The following IQCB1 variants were observed in gnomAD, a reference collection of about 807,000 sequenced individuals.
IQCB1 encodes IQ motif containing B1.
IQCB1 carries 56 observed loss-of-function variants against 84.4 expected under a neutral mutation model. The observed-to-expected ratio is 0.66, with a 90% CI of 0.54 to 0.83. IQCB1 has a LOEUF of 0.83. Among genes scored for constraint, IQCB1 ranks in the 40% least tolerant of loss-of-function variants. The pLI is 0.00. For missense variants in IQCB1, 629 were observed against 682.1 expected, an observed-to-expected ratio of 0.92 and a Z score of 0.87; for synonymous variants, 210 against 234.8, an observed-to-expected ratio of 0.89 and a Z score of 0.96.
In IQCB1 at chr3:121,779,311, T is replaced by G. The variant is rs115304011; in HGVS notation, c.1410+2432A>C. On this transcript the variant is annotated intron_variant, in intron 13 of 14. Transcript: ENST00000310864. ...ACAGTCCCACAGCTCAGTAATGGTC[T>G]TTTCAAATATTTTTCTCTTTTTTCC... is the stretch of plus-strand genomic sequence containing the variant. 3.6e-3 allele frequency among the ~76,000 whole-genome samples: 547 copies of G among 152,254 alleles called. 4 individuals are homozygous for G. The highest frequency in any genetic ancestry group is 0.013 in the African/African-American group (524 of 41,552).
At chr3:121,796,966 A>C (rs1230630419) in intron 9 of IQCB1, 152 bp downstream of exon 9, 2 of 635,332 alleles carry the variant, frequency 3.1e-6, no homozygotes, top group East Asian at 5.6e-5. Context: ...CTCCTGCCTC[A>C]ACCTCCTGAG....
Position 121,829,340 on chromosome 3 carries a change from C to T in IQCB1, c.-12-368G>A, listed in dbSNP as rs563059351. 1.3e-4 allele frequency among the ~76,000 whole-genome samples: 20 copies of T among 152,322 alleles called. No homozygotes were observed. The South Asian group carries it at 3.3e-3, about 25-fold the overall frequency. The stretch of plus-strand genomic sequence containing the variant: ...GAACTGCAAAAAAGAGCTAACATGA[C>T]AGGCCTAAGACTACTATACTTTCAA... On this transcript the variant is annotated intron_variant, in intron 2 of 14. Coordinates refer to ENST00000310864, the MANE Select transcript of IQCB1 (RefSeq NM_001023570.4).
intron 7 of IQCB1, among the ~76,000 whole-genome samples, chr3:121,804,755 T>A (rs75384770): frequency 3.3e-5 from 5 of 152,146 alleles, no homozygotes; most frequent in Admixed American, 1.3e-4. Flanking sequence ...ATGTTTATAG[T>A]TTTCATCAAA....
At chr3:121,777,425 A>G (rs866829575) in intron 13 of IQCB1, among the ~76,000 whole-genome samples, 8 of 152,208 alleles carry the variant, frequency 5.3e-5, no homozygotes, top group African/African-American at 1.7e-4. Context: ...AAGCAATTTT[A>G]ATGCAATGGT....
In IQCB1 at chr3:121,826,051, C is replaced by G. The variant is rs774487859; in HGVS notation, c.393G>C (p.Lys131Asn). The G allele has an allele frequency of 1.2e-6, 2 of 1,612,016 alleles. No individual in the cohort carries two copies. Among genetic ancestry groups the G allele is most frequent in the Non-Finnish European group, 8.5e-7 (1 of 1,178,326 alleles). ...QLQTCFINAA[K>N]AEEKDELLHF... Reference sequence around the variant, plus strand: ...TACAAAAGACTAAATAAACACATACCTTAGCTGCATTGATAAAACATGTTT... The same window carrying G: ...TACAAAAGACTAAATAAACACATACGTTAGCTGCATTGATAAAACATGTTT... Residue 131 changes from lysine to asparagine, a missense_variant and splice_region_variant, in exon 5 of 15, where the codon AAG (lysine) becomes AAC (asparagine). By Grantham distance (94) the Lys-to-Asn change is moderately conservative. Transcript: ENST00000310864.
rs985856006 is a variant in IQCB1 at position 121,788,338 on chromosome 3, G to C, written c.1224C>G (p.His408Gln). The stretch of plus-strand genomic sequence containing the variant: ...ACTCTATGAGAGACTGCCTCTGTTG[G>C]TGAAAATTTTTCCTTTCCCTGTACC... ...WRGYRERKNF[H>Q]QQRQSLIEYK... is the part of the protein sequence containing the mutation. The change falls in exon 12 of 15, where the codon CAC becomes CAG. Residue 408 changes from histidine to glutamine, a missense_variant. By Grantham distance (24) the His-to-Gln change is conservative. Coordinates refer to ENST00000310864, the MANE Select transcript of IQCB1 (RefSeq NM_001023570.4). 1 of 1,613,804 alleles carries C rather than the reference G, an allele frequency of 6.2e-7. No individual in the cohort carries two copies. Among genetic ancestry groups the C allele is most frequent in the South Asian group, 1.1e-5 (1 of 91,070 alleles).
At chr3:121,825,976 C>A in intron 5 of IQCB1, 75 bp downstream of exon 5, 1 of 1,318,528 alleles carries the variant, frequency 7.6e-7, no homozygotes, top group South Asian at 1.2e-5. Context: ...CCAAATATTG[C>A]ACATTTAAAA....
intron 10 of IQCB1, among the ~76,000 whole-genome samples, chr3:121,792,424 C>T: frequency 6.6e-6 from 1 of 151,850 alleles, no homozygotes; most frequent in East Asian, 1.9e-4. Flanking sequence ...CTTTGGGAGG[C>T]CGAGGCGGGT....
chr3:121,826,206 T>G (rs1384655779), intron 4 of IQCB1, 26 bp from the exon 5 acceptor site: 1 of 1,612,046 alleles, frequency 6.2e-7, no homozygotes, highest in South Asian at 1.1e-5. Flanking sequence ...AAGTTCGTGT[T>G]AATTAGAAGT....
intron 7 of IQCB1, 133 bp from the exon 8 acceptor site, chr3:121,799,507 A>C: frequency 1.6e-6 from 1 of 627,260 alleles, no homozygotes; most frequent in Non-Finnish European, 2.8e-6. Context: ...ACTTTTTCAA[A>C]TATATGTTGG....
chr3:121,788,494 T>C, intron 11 of IQCB1, 62 bp from the exon 12 acceptor site: 1 of 1,402,414 alleles, frequency 7.1e-7, no homozygotes, highest in Non-Finnish European at 1.0e-6. Context: ...AGTTCTGGAA[T>C]CAGGACAATG....
At chr3:121,790,256 C>T in intron 10 of IQCB1, 41 bp from the exon 11 acceptor site, 1 of 1,584,022 alleles carries the variant, frequency 6.3e-7, no homozygotes, top group Non-Finnish European at 8.6e-7. Context: ...TTTCATAAAT[C>T]ATATGAAAAA....
chr3:121,802,148 G>T (rs1353060031), intron 7 of IQCB1, among the ~76,000 whole-genome samples: 1 of 151,920 alleles, frequency 6.6e-6, no homozygotes, highest in African/African-American at 2.4e-5. Flanking sequence ...TGACCTTATA[G>T]AATGAGTTGT....
chr3:121,804,470 A>G (rs1368115357), intron 7 of IQCB1, among the ~76,000 whole-genome samples: 1 of 152,116 alleles, frequency 6.6e-6, no homozygotes, highest in Non-Finnish European at 1.5e-5. Flanking sequence ...GAAGTATTTC[A>G]TCTTTGCTTT....
intron 10 of IQCB1, among the ~76,000 whole-genome samples, chr3:121,791,716 A>C (rs1948981729): frequency 6.6e-6 from 1 of 152,218 alleles, no homozygotes; most frequent in Non-Finnish European, 1.5e-5. Flanking sequence ...GCAGATAATA[A>C]TGTTTTATCT....
At position 121,828,628 on chromosome 3, in the gene IQCB1, T is replaced by A. The variant is rs1335682647; in HGVS notation, c.105A>T (p.Ile35=). Residue 35 remains isoleucine (I), a synonymous_variant, in exon 4 of 15, where the codon ATA becomes ATT. Coordinates refer to ENST00000310864, the MANE Select transcript of IQCB1 (RefSeq NM_001023570.4). ...VPVILLKLKE[I]INITPLGSSE... The stretch of plus-strand genomic sequence containing the variant: ...AGCTTCCTAAAGGTGTGATGTTTAT[T>A]ATTTCTAAGGCAAAAGGAAATAAGA... 6.3e-7 allele frequency: 1 copy of A among 1,591,122 alleles called. No individual in the cohort carries two copies. The highest frequency in any genetic ancestry group is 8.6e-7 in the Non-Finnish European group (1 of 1,159,692).
intron 10 of IQCB1, among the ~76,000 whole-genome samples, chr3:121,792,632 C>T (rs1469830804): frequency 2.1e-5 from 3 of 144,274 alleles, no homozygotes; most frequent in African/African-American, 7.8e-5. Flanking sequence ...ACTGCACTCC[C>T]GCCTGGGCCA....
At position 121,826,087 on chromosome 3, in the gene IQCB1, C is replaced by A; in HGVS notation, c.357G>T (p.Gly119=). 3.1e-6 allele frequency: 5 copies of A among 1,613,236 alleles called. No individual in the cohort carries two copies. Among genetic ancestry groups the A allele is most frequent in the Non-Finnish European group, 4.2e-6 (5 of 1,179,266 alleles). Reference sequence around the variant, plus strand: ...TGATAAAACATGTTTGTAATTGTCTCCCCAAAACTAGAAAATTTTCTGCAG... The same window carrying A: ...TGATAAAACATGTTTGTAATTGTCTACCCAAAACTAGAAAATTTTCTGCAG... The part of the protein sequence containing the change: ...PSAAENFLVL[G]RQLQTCFINA... The change falls in exon 5 of 15, where the codon GGG becomes GGT. Residue 119 remains glycine (G), a synonymous_variant. Transcript: ENST00000310864.
Position 121,781,962 on chromosome 3 carries a change from T to C in IQCB1, c.1279-88A>G, listed in dbSNP as rs1033535627. The C allele has an allele frequency of 3.8e-5, 49 of 1,303,620 alleles. No homozygotes were observed. The Middle Eastern group carries it at 7.7e-4, about 20-fold the overall frequency. The allele number at this position is 1,303,620 out of a possible 1,614,324, so 80.8% of individuals were successfully genotyped here. ...ACTACAACATATGGTAGTGATCACA[T>C]TGCAATAATGATTAACTCTGAGTGT... On this transcript the variant is annotated intron_variant, in intron 12 of 14. Transcript: ENST00000310864.
Sources: allele counts gnomAD v4.1 joint callset (sites outside exome capture counted in the v4.1 genomes callset), GRCh38; gene constraint gnomAD v4.1.1; transcripts MANE v1.5; gene names NCBI Gene and HGNC (gene_info 2026-07-23, HGNC 2026-07-21).